IFT172: variants seen among roughly 807,000 people sequenced by gnomAD.
IFT172 encodes the protein intraflagellar transport 172.
IFT172 carries 164 observed loss-of-function variants against 248.9 expected under a neutral mutation model. The ratio of observed to expected loss-of-function variants is 0.66; its 90% confidence interval spans 0.58 to 0.75. The LOEUF (loss-of-function observed/expected upper bound fraction) is 0.75. Ranked by LOEUF, IFT172 falls within the 30% of genes least tolerant of loss-of-function variation. The pLI is 0.00. For missense variants in IFT172, 1,950 were observed against 2,192.4 expected, an observed-to-expected ratio of 0.89 and a Z score of 2.21; for synonymous variants, 729 against 791.6, an observed-to-expected ratio of 0.92 and a Z score of 1.33.
intron 42 of IFT172, 161 bp from the exon 43 acceptor site, chr2:27,446,516 T>A: frequency 1.7e-6 from 1 of 600,716 alleles, no homozygotes; most frequent in Non-Finnish European, 2.9e-6. Flanking sequence ...TTTCTTTTTC[T>A]CTGAACAAGA....
intron 16 of IFT172, among the ~76,000 whole-genome samples, chr2:27,468,923 T>A (rs1388449620): frequency 6.7e-6 from 1 of 150,142 alleles, no homozygotes; most frequent in Non-Finnish European, 1.5e-5. Context: ...TGGCTGATGA[T>A]AAATTTTTCC....
chr2:27,465,764 T>G lies in IFT172; in HGVS notation c.1811A>C (p.Asp604Ala). The change falls in exon 17 of 48, where the codon GAT (aspartate) becomes GCT (alanine). Residue 604 changes from aspartate (D) to alanine (A), a missense_variant. Coordinates refer to ENST00000260570, the MANE Select transcript of IFT172 (RefSeq NM_015662.3). ...EGLIEFGTAI[D>A]DGNYIRATAF... Reference sequence around the variant, plus strand: ...CTCTCACCGGATGTAGTTGCCATCATCAATGGCTGTTCCAAACTCGATGAG... The same window carrying G: ...CTCTCACCGGATGTAGTTGCCATCAGCAATGGCTGTTCCAAACTCGATGAG... 6.2e-7 allele frequency: 1 copy of G among 1,614,118 alleles called. No individual in the cohort carries two copies.
chr2:27,476,432 C>T (rs772968759), intron 14 of IFT172, among the ~76,000 whole-genome samples: 60 of 152,234 alleles, frequency 3.9e-4, no homozygotes, highest in South Asian at 1.0e-3. Context: ...TGTGCCTGGA[C>T]TGAACCTTTG....
intron 16 of IFT172, among the ~76,000 whole-genome samples, chr2:27,467,989 T>A (rs1158675795): frequency 1.3e-5 from 2 of 151,696 alleles, no homozygotes; most frequent in Non-Finnish European, 2.9e-5. Flanking sequence ...TGAAACTCCA[T>A]CTCTACTAAA....
At chr2:27,481,471 C>T (rs975516674) in intron 7 of IFT172, among the ~76,000 whole-genome samples, 1 of 150,468 alleles carries the variant, frequency 6.6e-6, no homozygotes, top group Non-Finnish European at 1.5e-5. Flanking sequence ...ACACACACAC[C>T]CCTATACACA....
At chr2:27,480,243 A>G in intron 8 of IFT172, 94 bp from the exon 9 acceptor site, 2 of 1,454,324 alleles carry the variant, frequency 1.4e-6, no homozygotes, top group South Asian at 1.5e-5. Flanking sequence ...TTGCTATATC[A>G]GAAAAGAAAG....
intron 18 of IFT172, among the ~76,000 whole-genome samples, chr2:27,463,650 TATAG>T (rs1410343120): frequency 6.6e-6 from 1 of 152,024 alleles, no homozygotes; most frequent in Non-Finnish European, 1.5e-5. Flanking sequence ...ATACCCCTGT[TATAG>T]ATAGTGACTG....
intron 10 of IFT172, 145 bp from the exon 11 acceptor site, chr2:27,478,301 GAT>G (rs1668114621): frequency 1.2e-6 from 1 of 860,448 alleles, no homozygotes; most frequent in East Asian, 2.5e-5. Context: ...TGATAGTAAT[GAT>G]ATCTTATGTT....
chr2:27,448,042 T>C (rs1665318073), intron 40 of IFT172, 120 bp from the exon 41 acceptor site: 1 of 583,598 alleles, frequency 1.7e-6, no homozygotes, highest in Non-Finnish European at 3.1e-6. Context: ...TGTGTGTGTG[T>C]GCAAGGGCTG....
At chr2:27,465,359 G>C in intron 18 of IFT172, 52 bp downstream of exon 18, 2 of 1,445,582 alleles carry the variant, frequency 1.4e-6, no homozygotes, top group Non-Finnish European at 1.9e-6. Flanking sequence ...AAATACTCAT[G>C]TGATTATCCC....
intron 14 of IFT172, among the ~76,000 whole-genome samples, chr2:27,476,045 A>G (rs1354002839): frequency 2.0e-5 from 3 of 152,138 alleles, no homozygotes; most frequent in African/African-American, 7.2e-5. Context: ...TATAAATCTT[A>G]TATGTTAATA....
chr2:27,465,776 C>A lies in IFT172; in HGVS notation c.1799G>T (p.Gly600Val). 2 of 1,614,112 alleles carry A rather than the reference C, an allele frequency of 1.2e-6. No individual in the cohort carries two copies. The highest frequency in any genetic ancestry group is 1.7e-6 in the Non-Finnish European group (2 of 1,180,018). ...GTAGTTGCCATCATCAATGGCTGTTCCAAACTCGATGAGGCCCTCATCCAA... is the reference window on the plus strand; with the variant it reads ...GTAGTTGCCATCATCAATGGCTGTTACAAACTCGATGAGGCCCTCATCCAA... ...YTLDEGLIEF[G>V]TAIDDGNYIR... Residue 600 changes from glycine (G) to valine (V), a missense_variant, in exon 17 of 48, where the codon GGA (glycine) becomes GTA (valine). By Grantham distance (109) the Gly-to-Val change is moderately radical (BLOSUM62 -3). Around this residue, in one of 3 missense-constraint regions of IFT172, gnomAD observed 1,166 missense variants for 1,254.1 expected, o/e 0.93. Transcript: ENST00000260570.
intron 1 of IFT172, 57 bp downstream of exon 1, chr2:27,489,558 C>T (rs1669015066): frequency 7.4e-7 from 1 of 1,358,744 alleles, no homozygotes; most frequent in Non-Finnish European, 1.1e-6. Flanking sequence ...CTTCAGTTCC[C>T]CCACTTTTCT....
chr2:27,459,363 G>A lies in IFT172; in HGVS notation c.2787+15C>T. 1 of 1,613,490 alleles carries A rather than the reference G, an allele frequency of 6.2e-7. No homozygotes were observed. The highest frequency in any genetic ancestry group is 8.5e-7 in the Non-Finnish European group (1 of 1,179,770). The stretch of plus-strand genomic sequence containing the variant: ...ACTGCATTGCCTCGTGCTGCGGAAA[G>A]GGACTCTTCCTCACCTCATACTCCT... On this transcript the variant is annotated intron_variant, in intron 25 of 47. Coordinates refer to ENST00000260570, the MANE Select transcript of IFT172 (RefSeq NM_015662.3).
intron 1 of IFT172, among the ~76,000 whole-genome samples, chr2:27,487,137 G>A (rs1004485084): frequency 3.9e-5 from 6 of 152,030 alleles, no homozygotes; most frequent in Non-Finnish European, 5.9e-5. Context: ...TAGAGACATG[G>A]TTTCACCGTA....
rs747503760 is a variant in IFT172, at chr2:27,454,373, G to A, written c.3511C>T (p.Pro1171Ser). 1.2e-6 allele frequency: 2 copies of A among 1,614,176 alleles called. No individual in the cohort carries two copies. Among genetic ancestry groups the A allele is most frequent in the African/African-American group, 2.7e-5 (2 of 75,046 alleles). Reference protein sequence around the residue: ...AEAEFIRAGKPKEAVLMFVHN... With the variant: ...AEAEFIRAGKSKEAVLMFVHN... ...ACTCACATGAGGACTGCCTCCTTGG[G>A]TTTACCAGCTCTGATGAATTCAGCT... The change falls in exon 32 of 48, where the codon CCC (proline) becomes TCC (serine). Residue 1171 changes from proline (P) to serine (S), a missense_variant. Physicochemically the swap from Pro to Ser is moderately conservative, Grantham distance 74. Coordinates refer to ENST00000260570, the MANE Select transcript of IFT172 (RefSeq NM_015662.3). The surrounding 1 kb of genome is among the most constrained non-coding windows in gnomAD (Gnocchi z 4.2).
intron 23 of IFT172, 24 bp from the exon 24 acceptor site, chr2:27,459,853 C>T (rs1436690163): frequency 3.7e-6 from 6 of 1,607,154 alleles, no homozygotes; most frequent in Non-Finnish European, 1.7e-6. Context: ...AAAAGATGCT[C>T]AGCCCAGATT....
chr2:27,453,220 T>A, intron 35 of IFT172, 164 bp downstream of exon 35: 1 of 949,496 alleles, frequency 1.1e-6, no homozygotes. Context: ...TTTATAGCCT[T>A]CAGAGGTTCT....
chr2:27,453,915 G>C, intron 33 of IFT172, 67 bp downstream of exon 33: 1 of 1,513,766 alleles, frequency 6.6e-7, no homozygotes, highest in Non-Finnish European at 9.0e-7. Flanking sequence ...CCAGGGGTCA[G>C]TGTGGCTCTC....
Sources: allele counts gnomAD v4.1 joint callset (sites outside exome capture counted in the v4.1 genomes callset), GRCh38; gene constraint gnomAD v4.1.1; regional missense constraint gnomAD v4.1.1; non-coding constraint Gnocchi (gnomAD v3.1); transcripts MANE v1.5; gene names NCBI Gene and HGNC (gene_info 2026-07-23, HGNC 2026-07-21).